WDR17: variants seen among roughly 807,000 people sequenced by gnomAD.
WDR17 encodes the protein WD repeat-containing protein 17.
A neutral mutation model predicts 161.7 loss-of-function variants in WDR17; 143 were observed. That is an observed-to-expected ratio of 0.88 (90% confidence interval 0.77 to 1.02). The LOEUF is 1.02. Ranked by LOEUF, WDR17 falls within the 50% of genes least tolerant of loss-of-function variation. WDR17 has a pLI of 0.00. For missense variants in WDR17, 1,469 were observed against 1,520.9 expected (o/e 0.97, Z 0.57); for synonymous variants, 517 against 515.6 (o/e 1.00, Z -0.04).
In WDR17 at chr4:176,125,685, G is replaced by A. The variant is rs527310961; in HGVS notation, c.790+330G>A. On this transcript the variant is annotated intron_variant, in intron 5 of 28. Coordinates refer to ENST00000508596, the MANE Select transcript of WDR17 (RefSeq NM_181265.4). ...ATTTCAGGCATAGTAGGATGACAGT[G>A]AAGGTACTGAGCATAAAAACAATTA... Among the ~76,000 whole-genome samples the A allele has an allele frequency of 2.6e-5, 4 of 152,300 alleles. No homozygotes were observed. The South Asian group carries it at 8.3e-4, about 32-fold the overall frequency.
At chr4:176,084,755 T>C (rs1168880836) in intron 1 of WDR17, among the ~76,000 whole-genome samples, 1 of 147,170 alleles carries the variant, frequency 6.8e-6, no homozygotes. Context: ...GTCGAGATTA[T>C]ATATATATAT....
At chr4:176,158,643 TC>T (rs1452665162) in intron 18 of WDR17, among the ~76,000 whole-genome samples, 1 of 152,200 alleles carries the variant, frequency 6.6e-6, no homozygotes, top group African/African-American at 2.4e-5. Context: ...TTATTGTTGA[TC>T]TTAGTAAGAG....
chr4:176,080,302 G>A (rs187926035), intron 1 of WDR17, among the ~76,000 whole-genome samples: 2 of 151,824 alleles, frequency 1.3e-5, no homozygotes, highest in Admixed American at 1.3e-4. Flanking sequence ...AAAACTTGGG[G>A]GTAAATGTAT....
At chr4:176,116,052 G>A in intron 3 of WDR17, 73 bp downstream of exon 3, 2 of 1,396,606 alleles carry the variant, frequency 1.4e-6, no homozygotes, top group Non-Finnish European at 1.9e-6. Context: ...AATATTATTA[G>A]TTCAGCTTTT....
intron 1 of WDR17, among the ~76,000 whole-genome samples, chr4:176,069,645 C>CT (rs1732968696): frequency 6.6e-6 from 1 of 152,056 alleles, no homozygotes; most frequent in African/African-American, 2.4e-5. Flanking sequence ...CTTCCAGATT[C>CT]TTCCCATTTT....
At chr4:176,154,012 A>C (rs1747659219) in intron 17 of WDR17, among the ~76,000 whole-genome samples, 1 of 152,196 alleles carries the variant, frequency 6.6e-6, no homozygotes, top group African/African-American at 2.4e-5. Context: ...TTTTGGTACA[A>C]CAGTGTAATT....
chr4:176,160,853 A>T, intron 19 of WDR17, 58 bp from the exon 20 acceptor site: 1 of 1,374,594 alleles, frequency 7.3e-7, no homozygotes, highest in South Asian at 1.5e-5. Context: ...CATATTCTGA[A>T]ATGTGTCAAT....
At chr4:176,097,333 C>G (rs1414553317) in intron 1 of WDR17, among the ~76,000 whole-genome samples, 1 of 151,676 alleles carries the variant, frequency 6.6e-6, no homozygotes, top group African/African-American at 2.4e-5. Context: ...GATTTTTCAC[C>G]ACTGTTGTTC....
At chr4:176,156,247 G>T (rs1748111876) in intron 18 of WDR17, 104 bp downstream of exon 18, 2 of 1,079,674 alleles carry the variant, frequency 1.9e-6, no homozygotes. Context: ...TTATTCTTAT[G>T]TTGTCTTAAA....
At position 176,150,534 on chromosome 4, in the gene WDR17, C is replaced by A; in HGVS notation, c.2245C>A (p.Leu749Ile). ...AVIKGQDDSL[L>I]PQNYCKGIMH... is the part of the protein sequence containing the mutation. ...GATAAAAGGACAGGATGATAGCTTA[C>A]TTCCTCAGAACTACTGCAAAGGAAT... Residue 749 changes from leucine to isoleucine, a missense_variant, in exon 16 of 29, where the codon CTT becomes ATT. Transcript: ENST00000508596. 1 of 1,612,188 alleles carries A rather than the reference C, an allele frequency of 6.2e-7. No individual in the cohort carries two copies. Among genetic ancestry groups the A allele is most frequent in the Non-Finnish European group, 8.5e-7 (1 of 1,179,280 alleles).
chr4:176,153,986 A>G (rs189835190), intron 17 of WDR17, among the ~76,000 whole-genome samples: 1 of 152,310 alleles, frequency 6.6e-6, no homozygotes, highest in East Asian at 1.9e-4. Flanking sequence ...AGTCAAGGAG[A>G]AAAGGAATTA....
intron 3 of WDR17, 59 bp from the exon 4 acceptor site, chr4:176,119,807 AT>A: frequency 7.1e-7 from 1 of 1,416,690 alleles, no homozygotes; most frequent in Non-Finnish European, 9.9e-7. Flanking sequence ...GGCAAGTAAT[AT>A]TTAATGGTGT....
At chr4:176,113,990 G>T (rs1265369960) in intron 2 of WDR17, among the ~76,000 whole-genome samples, 1 of 151,978 alleles carries the variant, frequency 6.6e-6, no homozygotes, top group African/African-American at 2.4e-5. Context: ...CCTGCAAATA[G>T]TTCAGTGTTC....
chr4:176,076,254 T>C (rs60348945), intron 1 of WDR17, among the ~76,000 whole-genome samples: 6,304 of 58,158 alleles, frequency 0.11, 463 homozygotes, highest in African/African-American at 0.24. Flanking sequence ...TATATATATA[T>C]ACACACACAC....
At chr4:176,162,681 AT>A (rs1749205222) in intron 21 of WDR17, among the ~76,000 whole-genome samples, 3 of 152,204 alleles carry the variant, frequency 2.0e-5, no homozygotes, top group African/African-American at 7.2e-5. Context: ...CACAAGTTAT[AT>A]TTTTAAGGTA....
chr4:176,109,216 A>G (rs991445474), intron 1 of WDR17, among the ~76,000 whole-genome samples: 1 of 152,216 alleles, frequency 6.6e-6, no homozygotes, highest in African/African-American at 2.4e-5. Flanking sequence ...AATGTTATAA[A>G]TAGTAATTTA....
chr4:176,077,936 C>G (rs374286576), intron 1 of WDR17, among the ~76,000 whole-genome samples: 5 of 152,032 alleles, frequency 3.3e-5, no homozygotes, highest in East Asian at 1.9e-4. Context: ...TCCTAAATTT[C>G]AAGATTAAAC....
chr4:176,137,473 A>C, intron 8 of WDR17, 47 bp from the exon 9 acceptor site: 1 of 1,468,004 alleles, frequency 6.8e-7, no homozygotes, highest in Non-Finnish European at 9.5e-7. Context: ...AAAGAATTAC[A>C]TTTGTGGGAA....
At chr4:176,125,639 G>C (rs1188597167) in intron 5 of WDR17, among the ~76,000 whole-genome samples, 2 of 152,148 alleles carry the variant, frequency 1.3e-5, no homozygotes, top group Non-Finnish European at 2.9e-5. Flanking sequence ...CTGTGTATGT[G>C]CAAAAGACAA....
Sources: allele counts gnomAD v4.1 joint callset (sites outside exome capture counted in the v4.1 genomes callset), GRCh38; gene constraint gnomAD v4.1.1; transcripts MANE v1.5; gene names NCBI Gene and HGNC (gene_info 2026-07-23, HGNC 2026-07-21).